The following PCDH7 variants were observed in gnomAD, a reference collection of about 807,000 sequenced individuals.
PCDH7 encodes the protein protocadherin-7.
PCDH7 carries 17 observed loss-of-function variants against 58.9 expected under a neutral mutation model. That is an observed-to-expected ratio of 0.29 (90% confidence interval 0.20 to 0.43). The LOEUF (loss-of-function observed/expected upper bound fraction) is 0.43. PCDH7 is among the 20% of genes least tolerant of loss of function. PCDH7 has a pLI of 1.00. For synonymous variants in PCDH7, 664 were observed against 616.4 expected, an observed-to-expected ratio of 1.08 and a Z score of -1.14; for missense variants, 1,274 against 1,441.0, an observed-to-expected ratio of 0.88 and a Z score of 1.88.
At chr4:31,081,407 C>T (rs115976118) in intron 3 of PCDH7, among the ~76,000 whole-genome samples, 1,553 of 152,216 alleles carry the variant, frequency 0.01, 24 homozygotes, top group African/African-American at 0.035. Context: ...ATTATATGCA[C>T]ATTTTGATCA....
chr4:30,800,673 A>G (rs1725422400), intron 1 of PCDH7, among the ~76,000 whole-genome samples: 1 of 152,232 alleles, frequency 6.6e-6, no homozygotes, highest in Non-Finnish European at 1.5e-5. Flanking sequence ...AAGTTTCCTC[A>G]AACTAGGACA....
At chr4:30,943,567 T>C (rs996377401) in intron 2 of PCDH7, among the ~76,000 whole-genome samples, 7 of 152,130 alleles carry the variant, frequency 4.6e-5, no homozygotes, top group African/African-American at 1.7e-4. Flanking sequence ...CTTTCTTTCA[T>C]CAGAGTGGTC....
chr4:30,778,119 C>T (rs1321843910), intron 1 of PCDH7, among the ~76,000 whole-genome samples: 1 of 151,816 alleles, frequency 6.6e-6, no homozygotes, highest in African/African-American at 2.4e-5. Context: ...GCCTTTCTTC[C>T]CTGTAGTGTT....
intron 3 of PCDH7, among the ~76,000 whole-genome samples, chr4:31,003,667 G>A (rs1752535568): frequency 6.6e-6 from 1 of 151,962 alleles, no homozygotes; most frequent in Non-Finnish European, 1.5e-5. Flanking sequence ...CAGCAGTTTG[G>A]GAGGCAGAGG....
intron 1 of PCDH7, among the ~76,000 whole-genome samples, chr4:30,785,833 T>C (rs962328865): frequency 2.0e-5 from 3 of 152,042 alleles, no homozygotes; most frequent in Admixed American, 6.6e-5. Flanking sequence ...GGCAGTGAAA[T>C]GTACCATGTT....
At chr4:31,042,960 G>T (rs1024524027) in intron 3 of PCDH7, among the ~76,000 whole-genome samples, 1 of 152,012 alleles carries the variant, frequency 6.6e-6, no homozygotes, top group Non-Finnish European at 1.5e-5. Context: ...GGAAGCACAG[G>T]GTATCACATT....
At chr4:30,922,753 A>G (rs1468743902) in intron 2 of PCDH7, among the ~76,000 whole-genome samples, 1 of 152,150 alleles carries the variant, frequency 6.6e-6, no homozygotes, top group Non-Finnish European at 1.5e-5. Flanking sequence ...CAGAGTTTAT[A>G]TGACCATTTG....
At chr4:30,839,301 C>G (rs1200831950) in intron 1 of PCDH7, among the ~76,000 whole-genome samples, 1 of 152,054 alleles carries the variant, frequency 6.6e-6, no homozygotes, top group African/African-American at 2.4e-5. Context: ...TGTAGTCAAG[C>G]TGACTTAAGT....
At chr4:30,975,979 C>T (rs1750031287) in intron 3 of PCDH7, among the ~76,000 whole-genome samples, 1 of 152,126 alleles carries the variant, frequency 6.6e-6, no homozygotes, top group South Asian at 2.1e-4. Context: ...TTGAAAGAAT[C>T]TGCAGCCCTC....
intron 3 of PCDH7, among the ~76,000 whole-genome samples, chr4:31,075,515 T>G (rs1341643885): frequency 6.6e-6 from 1 of 152,204 alleles, no homozygotes; most frequent in Non-Finnish European, 1.5e-5. Context: ...TCTGATTCTC[T>G]ATGTCTGAGA....
At chr4:30,759,861 A>G (rs529158540) in intron 1 of PCDH7, among the ~76,000 whole-genome samples, 3 of 152,256 alleles carry the variant, frequency 2.0e-5, no homozygotes, top group East Asian at 1.9e-4. Flanking sequence ...CATCTTACAT[A>G]TTACTTTTTG....
chr4:30,956,038 CAAAAAAAAAAAGCA>C (rs917668344), intron 3 of PCDH7, among the ~76,000 whole-genome samples: 5 of 125,822 alleles, frequency 4.0e-5, no homozygotes, highest in African/African-American at 1.4e-4. Context: ...CAAAAACAAA[CAAAAAAAAAAAGCA>C]AAAAAAAAAC....
intron 3 of PCDH7, among the ~76,000 whole-genome samples, chr4:31,080,072 G>A (rs1333903570): frequency 6.6e-6 from 1 of 151,980 alleles, no homozygotes; most frequent in East Asian, 1.9e-4. Context: ...ATAAAAGCAG[G>A]GTCCTTCAAC....
At chr4:30,842,653 G>C (rs1228368220) in intron 1 of PCDH7, among the ~76,000 whole-genome samples, 2 of 152,108 alleles carry the variant, frequency 1.3e-5, no homozygotes. Flanking sequence ...GGTGAGGTTG[G>C]AATGTGAACA....
chr4:30,764,937 T>C (rs1366751697), intron 1 of PCDH7, among the ~76,000 whole-genome samples: 3 of 151,942 alleles, frequency 2.0e-5, no homozygotes, highest in Non-Finnish European at 2.9e-5. Context: ...GTCAGGATGG[T>C]CTCTATCTCC....
At chr4:30,863,620 A>G (rs1375786674) in intron 1 of PCDH7, among the ~76,000 whole-genome samples, 1 of 152,100 alleles carries the variant, frequency 6.6e-6, no homozygotes, top group African/African-American at 2.4e-5. Context: ...GCTGTTCCAT[A>G]AATATGGAAA....
At chr4:30,925,932 A>G (rs931710177) in intron 2 of PCDH7, 1 of 152,210 alleles carries the variant, frequency 6.6e-6, no homozygotes, top group African/African-American at 2.4e-5. Context: ...TTTACAAAAC[A>G]AGCTTTGAAA....
intron 3 of PCDH7, among the ~76,000 whole-genome samples, chr4:31,061,146 T>C (rs1466871597): frequency 6.6e-6 from 1 of 151,774 alleles, no homozygotes; most frequent in Admixed American, 6.6e-5. Context: ...TTCTAGAACA[T>C]GTGTAGTTTA....
intron 3 of PCDH7, among the ~76,000 whole-genome samples, chr4:30,997,175 G>A (rs1259971383): frequency 6.6e-6 from 1 of 151,816 alleles, no homozygotes; most frequent in African/African-American, 2.4e-5. Flanking sequence ...ACCAGCTAAA[G>A]AGCGATATAA....
Sources: allele counts gnomAD v4.1 joint callset (sites outside exome capture counted in the v4.1 genomes callset), GRCh38; gene constraint gnomAD v4.1.1; transcripts MANE v1.5; gene names NCBI Gene and HGNC (gene_info 2026-07-23, HGNC 2026-07-21).